Variants in VTI1A observed in about 807,000 individuals in gnomAD.
VTI1A encodes the protein vesicle transport through interaction with t-SNAREs homolog 1A.
VTI1A carries 22 observed loss-of-function variants against 34.9 expected under a neutral mutation model. That is an observed-to-expected ratio of 0.63 (90% CI 0.45 to 0.90). The LOEUF (loss-of-function observed/expected upper bound fraction) is 0.90. Ranked by LOEUF, VTI1A falls within the 40% of genes least tolerant of loss-of-function variation. The pLI is 0.00. For synonymous variants in VTI1A, 87 were observed against 97.3 expected (o/e 0.89, Z 0.62); for missense variants, 268 against 275.6 (o/e 0.97, Z 0.20).
At chr10:112,689,476 G>A (rs1325183958) in intron 7 of VTI1A, among the ~76,000 whole-genome samples, 2 of 152,228 alleles carry the variant, frequency 1.3e-5, no homozygotes, top group Non-Finnish European at 2.9e-5. Flanking sequence ...CATGGGTGGG[G>A]TGCCCTGGTA....
chr10:112,845,636 A>G, the VTI1A span, among the ~76,000 whole-genome samples: 1 of 152,158 alleles, frequency 6.6e-6, no homozygotes, highest in African/African-American at 2.4e-5. Flanking sequence ...GCTGGAGGAA[A>G]AGCCTCCGCG....
At chr10:112,774,345 G>A (rs917164454) in intron 7 of VTI1A, among the ~76,000 whole-genome samples, 3 of 152,202 alleles carry the variant, frequency 2.0e-5, no homozygotes, top group African/African-American at 7.2e-5. Flanking sequence ...ACGCCAGAAA[G>A]AAGTGGTGGG....
At chr10:112,608,483 TTCTA>T (rs1184440283) in intron 5 of VTI1A, among the ~76,000 whole-genome samples, 5 of 152,184 alleles carry the variant, frequency 3.3e-5, no homozygotes, top group African/African-American at 1.2e-4. Context: ...GTTAGTTCTT[TTCTA>T]TATTTAAGTC....
At chr10:112,804,533 T>G (rs1460147869) in intron 7 of VTI1A, among the ~76,000 whole-genome samples, 3 of 152,182 alleles carry the variant, frequency 2.0e-5, no homozygotes, top group Non-Finnish European at 4.4e-5. Flanking sequence ...TTGGCTGATT[T>G]TGTTGGGGAA....
At chr10:112,541,770 GA>G (rs1189853503) in intron 5 of VTI1A, among the ~76,000 whole-genome samples, 9 of 152,202 alleles carry the variant, frequency 5.9e-5, no homozygotes, top group Non-Finnish European at 1.2e-4. Flanking sequence ...TGCTTGGTTT[GA>G]GAAAAGGCAC....
At chr10:112,535,624 C>T (rs1452511876) in intron 4 of VTI1A, among the ~76,000 whole-genome samples, 3 of 152,278 alleles carry the variant, frequency 2.0e-5, no homozygotes, top group Middle Eastern at 3.4e-3. Context: ...CCTACATCTC[C>T]AGCTCTCCAC....
chr10:112,633,259 CATA>C (rs1480303679), intron 5 of VTI1A, among the ~76,000 whole-genome samples: 1 of 152,170 alleles, frequency 6.6e-6, no homozygotes, highest in East Asian at 1.9e-4. Context: ...ACGGGACTTA[CATA>C]ATAATAGTAA....
chr10:112,801,058 A>G (rs1260857142), intron 7 of VTI1A, among the ~76,000 whole-genome samples: 1 of 152,168 alleles, frequency 6.6e-6, no homozygotes, highest in Non-Finnish European at 1.5e-5. Context: ...TTCAGAAAAG[A>G]GCTTGGTGGG....
At chr10:112,811,712 A>AAAAAAAGAG (rs67154330) in intron 7 of VTI1A, among the ~76,000 whole-genome samples, 1 of 84,066 alleles carries the variant, frequency 1.2e-5, no homozygotes, top group Admixed American at 1.4e-4. Context: ...AAAAAAAAAA[A>AAAAAAAGAG]GAGTGCAGTC....
At position 112,807,556 on chromosome 10, in the gene VTI1A, A is replaced by C. The variant is rs555364527; in HGVS notation, c.561-7734A>C. The stretch of plus-strand genomic sequence containing the variant: ...CCTAAATCTGGAATGATTTCCTCTC[A>C]AGATCCTTAATGAAGTCCAGCTGTG... On this transcript the variant is annotated intron_variant, in intron 7 of 7. Transcript: ENST00000393077. 2.6e-5 allele frequency among the ~76,000 whole-genome samples: 4 copies of C among 152,110 alleles called. No homozygotes were observed. The East Asian group carries it at 7.7e-4, about 29-fold the overall frequency.
chr10:112,536,917 A>C (rs763116508), intron 4 of VTI1A, among the ~76,000 whole-genome samples: 1 of 152,048 alleles, frequency 6.6e-6, no homozygotes, highest in East Asian at 1.9e-4. Flanking sequence ...TGAAGATGGA[A>C]GCGAGATATT....
chr10:112,476,538 T>C lies in VTI1A; in HGVS notation c.264+11881T>C, dbSNP rs17129829. Among the ~76,000 whole-genome samples, 1,084 of 152,292 alleles carry C rather than the reference T, an allele frequency of 7.1e-3. 10 individuals carry two copies. Among genetic ancestry groups the C allele is most frequent in the African/African-American group, 0.025 (1,023 of 41,564 alleles). The stretch of plus-strand genomic sequence containing the variant: ...AGAAACAGTGATGCTGTGGTAGTGA[T>C]GTTGCTGAAGGGAACAGAGGCCTTA... On this transcript the variant is annotated intron_variant, in intron 3 of 7. Transcript: ENST00000393077.
intron 7 of VTI1A, among the ~76,000 whole-genome samples, chr10:112,705,628 C>A (rs2133908962): frequency 6.6e-6 from 1 of 152,274 alleles, no homozygotes; most frequent in Non-Finnish European, 1.5e-5. Context: ...AGAACCTTGG[C>A]CACATCCAGA....
At chr10:112,530,315 T>A (rs1398000011) in intron 4 of VTI1A, among the ~76,000 whole-genome samples, 26 of 152,322 alleles carry the variant, frequency 1.7e-4, no homozygotes, top group Admixed American at 1.0e-3. Flanking sequence ...TACCATTCCA[T>A]GTGGCAACAT....
Position 112,688,892 on chromosome 10 carries a change from T to A in VTI1A, c.560+19894T>A, listed in dbSNP as rs960126604. Among the ~76,000 whole-genome samples the A allele has an allele frequency of 5.9e-5, 9 of 152,120 alleles. No homozygotes were observed. The East Asian group carries it at 9.6e-4, about 16-fold the overall frequency. On this transcript the variant is annotated intron_variant, in intron 7 of 7. Transcript: ENST00000393077. Reference sequence around the variant, plus strand: ...TAGTTATTGTCAGTAGTGGGTTTTTTAAAAATCAAGTTATTATGACATATA... The same window carrying A: ...TAGTTATTGTCAGTAGTGGGTTTTTAAAAAATCAAGTTATTATGACATATA...
chr10:112,752,549 C>T, intron 7 of VTI1A: 1 of 985,402 alleles, frequency 1.0e-6, no homozygotes, highest in South Asian at 4.7e-5. Flanking sequence ...GATTCTCCTT[C>T]AGGGGGAACA....
the VTI1A span, among the ~76,000 whole-genome samples, chr10:112,850,749 C>T: frequency 1.6e-4 from 25 of 152,080 alleles, no homozygotes; most frequent in Non-Finnish European, 3.4e-4. Flanking sequence ...AAAATAAAAA[C>T]GTGGGGCCCT....
At chr10:112,528,535 G>A (rs376060725) in intron 4 of VTI1A, among the ~76,000 whole-genome samples, 5 of 152,056 alleles carry the variant, frequency 3.3e-5, no homozygotes, top group Admixed American at 2.6e-4. Context: ...ACATAAAAGG[G>A]TGATGTGATA....
chr10:112,766,629 CA>C (rs1260598829), intron 7 of VTI1A, among the ~76,000 whole-genome samples: 1 of 123,826 alleles, frequency 8.1e-6, no homozygotes, highest in East Asian at 2.5e-4. Flanking sequence ...TTCAGATTAA[CA>C]AAAAATGCTC....
Sources: allele counts gnomAD v4.1 joint callset (sites outside exome capture counted in the v4.1 genomes callset), GRCh38; gene constraint gnomAD v4.1.1; transcripts MANE v1.5; gene names NCBI Gene and HGNC (gene_info 2026-07-23, HGNC 2026-07-21).